Variants in PPFIA2 observed in about 807,000 individuals in gnomAD.
The protein encoded by PPFIA2 is PPFI scaffold protein A2.
PPFIA2 carries 46 observed loss-of-function variants against 175.5 expected under a neutral mutation model. The observed-to-expected ratio is 0.26, with a 90% CI of 0.21 to 0.34. The LOEUF (loss-of-function observed/expected upper bound fraction) is 0.34, where lower values mean the gene tolerates loss of function less well. PPFIA2 is among the 10% of genes least tolerant of loss of function. The pLI is 1.00. For synonymous variants in PPFIA2, 568 were observed against 511.4 expected (o/e 1.11, Z -1.49); for missense variants, 1,179 against 1,506.1 (o/e 0.78, Z 3.60).
At chr12:81,559,560 A>G (rs2069550293) in intron 4 of PPFIA2, among the ~76,000 whole-genome samples, 1 of 152,200 alleles carries the variant, frequency 6.6e-6, no homozygotes, top group African/African-American at 2.4e-5. Context: ...ATTAAAAATT[A>G]TACCCTTATA....
At chr12:81,515,165 CTTTA>C (rs2062260352) in intron 4 of PPFIA2, among the ~76,000 whole-genome samples, 1 of 151,994 alleles carries the variant, frequency 6.6e-6, no homozygotes, top group East Asian at 1.9e-4. Flanking sequence ...TAAAATTATA[CTTTA>C]TTTATAATGA....
At chr12:81,326,138 A>G (rs1189615956) in intron 21 of PPFIA2, among the ~76,000 whole-genome samples, 1 of 152,166 alleles carries the variant, frequency 6.6e-6, no homozygotes, top group East Asian at 1.9e-4. Context: ...CACTGACAAG[A>G]CACTTAAATA....
chr12:81,458,934 T>C (rs2054053014), intron 4 of PPFIA2, among the ~76,000 whole-genome samples: 1 of 152,068 alleles, frequency 6.6e-6, no homozygotes, highest in South Asian at 2.1e-4. Flanking sequence ...AAACATAAAA[T>C]GAAGGAGACA....
In PPFIA2 at chr12:81,480,767, G is replaced by T. The variant is rs997746012; in HGVS notation, c.304-22901C>A. Among the ~76,000 whole-genome samples the T allele has an allele frequency of 5.3e-5, 8 of 152,134 alleles. No homozygotes were observed. In the East Asian group the frequency reaches 1.5e-3, roughly 29 times the overall value. ...CTGCAGACAGCAAAGATTGCTGCCT[G>T]TTCCTTCATCTGGAAGCTTCCTCCC... On this transcript the variant is annotated intron_variant, in intron 4 of 32. Transcript: ENST00000549396.
chr12:81,744,297 C>G (rs1200958204), intron 3 of PPFIA2, among the ~76,000 whole-genome samples: 1 of 151,854 alleles, frequency 6.6e-6, no homozygotes, highest in East Asian at 1.9e-4. Context: ...GACTGGGGAT[C>G]CTTAAGTAAT....
At chr12:81,716,094 G>A (rs1360559603) in intron 3 of PPFIA2, among the ~76,000 whole-genome samples, 2 of 151,330 alleles carry the variant, frequency 1.3e-5, no homozygotes, top group East Asian at 1.9e-4. Flanking sequence ...ATCATAACTA[G>A]TAATAATGGC....
chr12:81,502,659 G>A (rs2060707536), intron 4 of PPFIA2, among the ~76,000 whole-genome samples: 1 of 152,142 alleles, frequency 6.6e-6, no homozygotes, highest in African/African-American at 2.4e-5. Flanking sequence ...TAGGAACTGT[G>A]CTAGGGGAAA....
At chr12:81,336,840 C>T (rs138524158) in intron 21 of PPFIA2, among the ~76,000 whole-genome samples, 48 of 152,252 alleles carry the variant, frequency 3.2e-4, no homozygotes, top group Non-Finnish European at 5.1e-4. Flanking sequence ...AGAAAGAACA[C>T]TGGCAATGCT....
At position 81,376,633 on chromosome 12, in the gene PPFIA2, T is replaced by C. The variant is rs564286591; in HGVS notation, c.985-691A>G. Among the ~76,000 whole-genome samples, 4 of 152,268 alleles carry C rather than the reference T, an allele frequency of 2.6e-5. No homozygotes were observed. The South Asian group carries it at 8.3e-4, about 32-fold the overall frequency. ...TTTAAATAATAGAATTTATAGATAG[T>C]AATATGGAGATAATTTTACCTCACA... On this transcript the variant is annotated intron_variant, in intron 9 of 32. Coordinates refer to ENST00000549396, the MANE Select transcript of PPFIA2 (RefSeq NM_003625.5).
intron 4 of PPFIA2, among the ~76,000 whole-genome samples, chr12:81,566,919 T>A (rs2071445671): frequency 6.6e-6 from 1 of 152,204 alleles, no homozygotes; most frequent in Admixed American, 6.5e-5. Flanking sequence ...CTGTAAGAAA[T>A]GTTTTATGGT....
At position 81,508,451 on chromosome 12, in the gene PPFIA2, G is replaced by A. The variant is rs560146633; in HGVS notation, c.304-50585C>T. Among the ~76,000 whole-genome samples, 11 of 148,956 alleles carry A rather than the reference G, an allele frequency of 7.4e-5. No individual in the cohort carries two copies. In the South Asian group the frequency reaches 2.3e-3, roughly 32 times the overall value. ...CAGGAGAATCACTTGAACCCAGGAGGCGGAAGTTGTGGTGAGCCAAGATCA... is the reference window on the plus strand; with the variant it reads ...CAGGAGAATCACTTGAACCCAGGAGACGGAAGTTGTGGTGAGCCAAGATCA... On this transcript the variant is annotated intron_variant, in intron 4 of 32. Transcript: ENST00000549396.
intron 24 of PPFIA2, among the ~76,000 whole-genome samples, chr12:81,289,254 C>T (rs1395250231): frequency 6.6e-6 from 1 of 151,736 alleles, no homozygotes; most frequent in Non-Finnish European, 1.5e-5. Context: ...TCCATTCAAG[C>T]AAATCTTTAA....
chr12:81,583,816 G>T (rs1176742260), intron 4 of PPFIA2, among the ~76,000 whole-genome samples: 1 of 152,054 alleles, frequency 6.6e-6, no homozygotes, highest in African/African-American at 2.4e-5. Flanking sequence ...TCTAGGGAAT[G>T]TCTGCCATGG....
intron 4 of PPFIA2, among the ~76,000 whole-genome samples, chr12:81,635,803 G>C (rs954448797): frequency 6.6e-6 from 1 of 152,088 alleles, no homozygotes; most frequent in Non-Finnish European, 1.5e-5. Context: ...AATTTCTGCC[G>C]AAGTCACAAA....
chr12:81,751,274 C>A (rs2083727138), intron 3 of PPFIA2, among the ~76,000 whole-genome samples: 1 of 152,016 alleles, frequency 6.6e-6, no homozygotes, highest in Non-Finnish European at 1.5e-5. Context: ...CTATAGCCAT[C>A]TAAATGTATA....
intron 4 of PPFIA2, among the ~76,000 whole-genome samples, chr12:81,465,971 T>C (rs2055542336): frequency 1.3e-5 from 2 of 152,274 alleles, no homozygotes; most frequent in African/African-American, 2.4e-5. Flanking sequence ...GTTAATGACC[T>C]CTGTTTTTAT....
intron 3 of PPFIA2, among the ~76,000 whole-genome samples, chr12:81,679,252 G>C (rs1467227676): frequency 2.6e-5 from 4 of 151,722 alleles, no homozygotes; most frequent in Non-Finnish European, 4.4e-5. Flanking sequence ...CATGTAAAAT[G>C]TTATTTCCAA....
intron 3 of PPFIA2, among the ~76,000 whole-genome samples, chr12:81,687,729 A>G (rs991778704): frequency 4.6e-5 from 7 of 152,076 alleles, no homozygotes; most frequent in African/African-American, 1.2e-4. Context: ...TCTATGTCCT[A>G]GTACACAAAT....
chr12:81,295,141 C>A, intron 23 of PPFIA2, 106 bp from the exon 24 acceptor site: 1 of 971,634 alleles, frequency 1.0e-6, no homozygotes, highest in Non-Finnish European at 1.5e-6. Context: ...TGACCTCACC[C>A]CACGAGATAA....
Sources: gnomAD v4.1 joint callset for allele counts (sites outside exome capture counted in the v4.1 genomes callset) on GRCh38, gnomAD v4.1.1 for gene constraint, MANE v1.5 for transcripts, NCBI Gene and HGNC (gene_info 2026-07-23, HGNC 2026-07-21) for gene names.